Variants in UNC80 observed in about 807,000 individuals in gnomAD.
The protein encoded by UNC80 is unc-80 subunit of NALCN channel complex.
In UNC80, 164 loss-of-function variants were observed where a neutral mutation model predicts 384.6. The observed-to-expected ratio is 0.43, with a 90% confidence interval of 0.38 to 0.49. The LOEUF (loss-of-function observed/expected upper bound fraction) is 0.49. Ranked by LOEUF, UNC80 falls within the 20% of genes least tolerant of loss-of-function variation. The probability of loss-of-function intolerance (pLI) is 0.00; values close to 1 mark genes in which losing one functional copy is unlikely to be tolerated. For synonymous variants in UNC80, 1,486 were observed against 1,527.8 expected (o/e 0.97, Z 0.64); for missense variants, 3,330 against 4,143.0 (o/e 0.80, Z 5.39).
chr2:209,910,545 A>C (rs777985817), intron 29 of UNC80, among the ~76,000 whole-genome samples: 1 of 152,014 alleles, frequency 6.6e-6, no homozygotes, highest in South Asian at 2.1e-4. Flanking sequence ...AGAACACACC[A>C]TGCTTCCTAA....
rs1559186166 is a variant in UNC80, at chr2:209,844,489, TTCCTTCCTTCCTTCCTTCC to T, written c.3454+2045_3454+2063del. On this transcript the variant is annotated intron_variant, in intron 21 of 64. Coordinates refer to ENST00000673920, the MANE Select transcript of UNC80 (RefSeq NM_001371986.1). ...TTTCTTTCTTTCTTTCCTTCCTTCCTTCCTTCCTTCCTTCCTTCCTTCCTTCCTTCCTTCCTTCCTTCCT... is the reference window on the plus strand; with the variant it reads ...TTTCTTTCTTTCTTTCCTTCCTTCCTTTCCTTCCTTCCTTCCTTCCTTCCT... 4.5e-3 allele frequency among the ~76,000 whole-genome samples: 436 copies of T among 96,876 alleles called. 14 individuals are homozygous for T. Among genetic ancestry groups the T allele is most frequent in the African/African-American group, 0.017 (417 of 24,458 alleles). 63.6% of individuals were successfully genotyped at this position (96,876 alleles called of 152,430 possible). A position where few individuals can be genotyped will look rare whatever the true frequency, so the allele number is the denominator to read the frequency against.
At chr2:209,921,773 A>G (rs775599536) in intron 34 of UNC80, 87 bp downstream of exon 34, 37 of 1,315,292 alleles carry the variant, frequency 2.8e-5, no homozygotes, top group Middle Eastern at 2.7e-4. Flanking sequence ...TTTATGTGAC[A>G]TGAGGTGATA....
At chr2:209,837,934 G>A (rs951263122) in intron 18 of UNC80, among the ~76,000 whole-genome samples, 34 of 152,110 alleles carry the variant, frequency 2.2e-4, no homozygotes, top group African/African-American at 7.5e-4. Flanking sequence ...ACCGCACCCT[G>A]CTAATTTTTT....
At chr2:209,885,996 C>T (rs547257886) in intron 25 of UNC80, among the ~76,000 whole-genome samples, 2 of 152,140 alleles carry the variant, frequency 1.3e-5, no homozygotes, top group East Asian at 1.9e-4. Flanking sequence ...AACTCCTGGC[C>T]TCGTGATCGG....
chr2:209,975,538 C>T (rs762576483), intron 56 of UNC80, among the ~76,000 whole-genome samples: 3 of 152,122 alleles, frequency 2.0e-5, no homozygotes, highest in Non-Finnish European at 4.4e-5. Flanking sequence ...ATACCCTGCA[C>T]GCATTTACTG....
chr2:209,858,443 C>T (rs1023406052), intron 22 of UNC80, among the ~76,000 whole-genome samples: 3 of 152,090 alleles, frequency 2.0e-5, no homozygotes, highest in East Asian at 1.9e-4. Flanking sequence ...CATGGTGGCT[C>T]ACACCTGTAA....
chr2:209,800,259 A>G (rs1046252940), intron 7 of UNC80, among the ~76,000 whole-genome samples: 13 of 151,892 alleles, frequency 8.6e-5, no homozygotes, highest in African/African-American at 2.9e-4. Context: ...CTATTCGGGG[A>G]TTCAAATTCT....
intron 22 of UNC80, among the ~76,000 whole-genome samples, chr2:209,868,633 A>G (rs1008765912): frequency 3.9e-5 from 6 of 152,324 alleles, no homozygotes; most frequent in African/African-American, 9.6e-5. Flanking sequence ...AAAGAAGTCA[A>G]GGAAAGTAGC....
intron 41 of UNC80, among the ~76,000 whole-genome samples, chr2:209,937,301 C>T (rs2091317191): frequency 6.6e-6 from 1 of 152,136 alleles, no homozygotes; most frequent in African/African-American, 2.4e-5. Context: ...TCTTTTCTAC[C>T]ATGTTAAACA....
rs1415320238 is a variant in UNC80, at chr2:209,935,826, C to G, written c.6273+18C>G. On this transcript the variant is annotated intron_variant, in intron 40 of 64. Transcript: ENST00000673920. ...TGTTGAAGGTAGGAATGACTTTTAA[C>G]AGAAACAATTTTTAAGGACAATGCT... The G allele has an allele frequency of 6.7e-7, 1 of 1,494,286 alleles. No individual in the cohort carries two copies. The allele number at this position is 1,494,286 out of a possible 1,614,324, so 92.6% of individuals were successfully genotyped here.
chr2:209,776,034 G>A lies in UNC80; in HGVS notation c.287G>A (p.Arg96Gln), dbSNP rs746156861. Residue 96 changes from arginine (R) to glutamine (Q), a missense_variant, in exon 3 of 65, where the codon CGA becomes CAA. Physicochemically the swap from Arg to Gln is conservative, Grantham distance 43 (BLOSUM62 1). Coordinates refer to ENST00000673920, the MANE Select transcript of UNC80 (RefSeq NM_001371986.1). ...TGCACTGCAACCCTGCTTTCAAACC[G>A]AAACAAGCTAGGTTGGTGCCCCGCA... ...LHCTATLLSN[R>Q]NKLGHQDKLG... 1.1e-5 allele frequency: 17 copies of A among 1,613,860 alleles called. No individual in the cohort carries two copies. The highest frequency in any genetic ancestry group is 1.1e-5 in the South Asian group (1 of 91,072).
intron 29 of UNC80, among the ~76,000 whole-genome samples, chr2:209,908,644 A>C (rs2088557907): frequency 6.6e-6 from 1 of 152,250 alleles, no homozygotes; most frequent in Admixed American, 6.5e-5. Flanking sequence ...TAAAGGACAC[A>C]GTGTGGGTAA....
Position 209,888,279 on chromosome 2 carries a change from T to C in UNC80, c.4276+19T>C. 1 of 1,550,760 alleles carries C rather than the reference T, an allele frequency of 6.4e-7. No homozygotes were observed. The highest frequency in any genetic ancestry group is 8.7e-7 in the Non-Finnish European group (1 of 1,146,448). The stretch of plus-strand genomic sequence containing the variant: ...AAGAAAGGTATGGAAACACAAAGGT[T>C]CCTTCATGTTTCAGGGTTTCTTGTT... On this transcript the variant is annotated intron_variant, in intron 26 of 64. Coordinates refer to ENST00000673920, the MANE Select transcript of UNC80 (RefSeq NM_001371986.1).
chr2:209,923,303 A>G (rs1284878515), intron 35 of UNC80, among the ~76,000 whole-genome samples: 1 of 152,150 alleles, frequency 6.6e-6, no homozygotes, highest in Non-Finnish European at 1.5e-5. Context: ...CAAGGTCACA[A>G]TTTGTCTAAT....
Position 209,793,863 on chromosome 2 carries a change from C to G in UNC80, c.938+4C>G, listed in dbSNP as rs1424618323. The G allele has an allele frequency of 6.2e-7, 1 of 1,613,820 alleles. No individual in the cohort carries two copies. ...AAAGAGGCCCATCACATTCCAGGTA[C>G]CTGATTGCAATGTTAGGGACAAAAT... On this transcript the variant is annotated splice_donor_region_variant and intron_variant, in intron 7 of 64. Coordinates refer to ENST00000673920, the MANE Select transcript of UNC80 (RefSeq NM_001371986.1).
At chr2:209,782,076 G>A (rs1485265510) in intron 4 of UNC80, among the ~76,000 whole-genome samples, 1 of 151,986 alleles carries the variant, frequency 6.6e-6, no homozygotes, top group Non-Finnish European at 1.5e-5. Flanking sequence ...TATCTTACAT[G>A]GACCCTTTAC....
Position 209,896,346 on chromosome 2 carries a change from T to C in UNC80, c.4514T>C (p.Ile1505Thr), listed in dbSNP as rs765591284. 6.4e-7 allele frequency: 1 copy of C among 1,551,658 alleles called. No individual in the cohort carries two copies. Among genetic ancestry groups the C allele is most frequent in the South Asian group, 1.2e-5 (1 of 84,064 alleles). ...CCTTGGAGTGCAAGCGAGCCCAGCA[T>C]TGAGCCAGAGGGAATGAGTAATGCC... ...GSPWSASEPS[I>T]EPEGMSNAGA... The change falls in exon 28 of 65, where the codon ATT becomes ACT. Residue 1505 changes from isoleucine to threonine, a missense_variant. By Grantham distance (89) the Ile-to-Thr change is moderately conservative. This residue lies in a region of UNC80 where 801 missense variants were observed against 950.8 expected (regional missense o/e 0.84). Coordinates refer to ENST00000673920, the MANE Select transcript of UNC80 (RefSeq NM_001371986.1).
intron 38 of UNC80, among the ~76,000 whole-genome samples, chr2:209,932,288 G>A (rs113819728): frequency 3.3e-5 from 5 of 152,120 alleles, no homozygotes; most frequent in African/African-American, 7.2e-5. Flanking sequence ...GCCTATGGCC[G>A]TTCTATCTGG....
intron 61 of UNC80, among the ~76,000 whole-genome samples, chr2:209,991,595 C>G (rs1206973357): frequency 1.1e-4 from 16 of 152,228 alleles, no homozygotes; most frequent in Non-Finnish European, 1.5e-5. Context: ...CCTTTTAAAT[C>G]TAAAACCATT....
Sources: gnomAD v4.1 joint callset for allele counts (sites outside exome capture counted in the v4.1 genomes callset) on GRCh38, gnomAD v4.1.1 for gene constraint, gnomAD v4.1.1 regional missense constraint, MANE v1.5 for transcripts, NCBI Gene and HGNC (gene_info 2026-07-23, HGNC 2026-07-21) for gene names.